ADSS2: variants seen among roughly 807,000 people sequenced by gnomAD.
ADSS2 encodes adenylosuccinate synthetase isozyme 2.
ADSS2 carries 30 observed loss-of-function variants against 60.0 expected under a neutral mutation model. That is an observed-to-expected ratio of 0.50 (90% CI 0.37 to 0.68). ADSS2 has a LOEUF of 0.68. Among genes scored for constraint, ADSS2 ranks in the 30% least tolerant of loss-of-function variants. The probability of loss-of-function intolerance (pLI) is 0.00; values close to 1 mark genes in which losing one functional copy is unlikely to be tolerated. For missense variants in ADSS2, 373 were observed against 554.8 expected (o/e 0.67, Z 3.29); for synonymous variants, 187 against 193.1 (o/e 0.97, Z 0.26).
intron 4 of ADSS2, among the ~76,000 whole-genome samples, chr1:244,428,616 G>T (rs1288746929): frequency 6.6e-6 from 1 of 151,370 alleles, no homozygotes; most frequent in African/African-American, 2.4e-5. Context: ...TTAAACCAAA[G>T]AAAGTAGAAA....
Position 244,441,888 on chromosome 1 carries a change from G to C in ADSS2, c.184-4120C>G, listed in dbSNP as rs190732863. 1.5e-3 allele frequency among the ~76,000 whole-genome samples: 225 copies of C among 152,136 alleles called. 2 individuals are homozygous for C. The highest frequency in any genetic ancestry group is 5.3e-3 in the African/African-American group (218 of 41,514). On this transcript the variant is annotated intron_variant, in intron 1 of 12. Coordinates refer to ENST00000366535, the MANE Select transcript of ADSS2 (RefSeq NM_001126.5). ...GGAGAATGGCGTGAACCCAGGAGGC[G>C]GAGCTTGCAGTGAGCCGAGATCACG... is the stretch of plus-strand genomic sequence containing the variant.
chr1:244,433,886 T>C (rs1055801735), intron 3 of ADSS2, among the ~76,000 whole-genome samples: 1 of 122,522 alleles, frequency 8.2e-6, no homozygotes, highest in Admixed American at 8.4e-5. Flanking sequence ...AAAAAAAAGG[T>C]AAAGAAAATA....
chr1:244,450,553 G>A (rs1400033009), intron 1 of ADSS2, among the ~76,000 whole-genome samples: 1 of 152,194 alleles, frequency 6.6e-6, no homozygotes, highest in Non-Finnish European at 1.5e-5. Flanking sequence ...TATACAGCAT[G>A]GCACCATCAT....
chr1:244,441,326 G>C (rs1665242845), intron 1 of ADSS2, among the ~76,000 whole-genome samples: 1 of 151,978 alleles, frequency 6.6e-6, no homozygotes, highest in Non-Finnish European at 1.5e-5. Context: ...CCAAAGTGCT[G>C]GGATTACAGG....
chr1:244,446,738 T>C (rs1196534817), intron 1 of ADSS2, among the ~76,000 whole-genome samples: 1 of 152,220 alleles, frequency 6.6e-6, no homozygotes, highest in Non-Finnish European at 1.5e-5. Context: ...GGGTCATAGA[T>C]GAGGCCATAA....
At chr1:244,436,734 C>T (rs2148008528) in intron 3 of ADSS2, 91 bp downstream of exon 3, 1 of 1,143,322 alleles carries the variant, frequency 8.7e-7, no homozygotes, top group Non-Finnish European at 1.3e-6. Flanking sequence ...AATTTTAAAG[C>T]ATAAGACAAA....
chr1:244,419,647 T>C (rs1664632412), intron 8 of ADSS2, among the ~76,000 whole-genome samples: 1 of 152,200 alleles, frequency 6.6e-6, no homozygotes, highest in Admixed American at 6.5e-5. Flanking sequence ...TGAGAAATCA[T>C]GTTTAAATGA....
intron 1 of ADSS2, among the ~76,000 whole-genome samples, chr1:244,449,636 T>A (rs538750134): frequency 6.6e-6 from 1 of 152,364 alleles, no homozygotes; most frequent in South Asian, 2.1e-4. Context: ...TCATTACTCA[T>A]CTATTTTTTG....
chr1:244,418,053 C>A (rs1198974403), intron 9 of ADSS2, among the ~76,000 whole-genome samples: 1 of 152,160 alleles, frequency 6.6e-6, no homozygotes, highest in African/African-American at 2.4e-5. Context: ...ACGAATCCAG[C>A]CAGTTCTTCC....
chr1:244,447,799 A>T (rs1220571368), intron 1 of ADSS2, among the ~76,000 whole-genome samples: 2 of 152,206 alleles, frequency 1.3e-5, no homozygotes, highest in African/African-American at 4.8e-5. Flanking sequence ...AGATGTTAAA[A>T]CAATTACAAG....
In ADSS2 at chr1:244,416,008, C is replaced by T. The variant is rs1275820463; in HGVS notation, c.1141G>A (p.Asp381Asn). The change falls in exon 11 of 13, where the codon GAT (aspartate) becomes AAT (asparagine). Residue 381 changes from aspartate (D) to asparagine (N), a missense_variant. Coordinates refer to ENST00000366535, the MANE Select transcript of ADSS2 (RefSeq NM_001126.5). ...EIKVGVAYKL[D>N]GEIIPHIPAN... ...GGGATATGAGGTATGATTTCACCAT[C>T]TAACTTGTAAGCAACTCCAACTTTG... The T allele has an allele frequency of 1.9e-6, 3 of 1,613,392 alleles. No homozygotes were observed. The highest frequency in any genetic ancestry group is 1.3e-5 in the African/African-American group (1 of 74,914).
At chr1:244,440,659 C>G (rs1338657471) in intron 1 of ADSS2, among the ~76,000 whole-genome samples, 1 of 152,178 alleles carries the variant, frequency 6.6e-6, no homozygotes. Context: ...TTCTCATACC[C>G]TTGCTGTAAG....
chr1:244,429,978 C>T (rs7521072), intron 4 of ADSS2, among the ~76,000 whole-genome samples: 56,993 of 119,482 alleles, frequency 0.48, 11,180 homozygotes, highest in Middle Eastern at 0.55. Context: ...TAGTGATATA[C>T]GTTTTAAAGC....
intron 1 of ADSS2, among the ~76,000 whole-genome samples, chr1:244,438,760 A>G (rs892696575): frequency 2.0e-5 from 3 of 151,938 alleles, no homozygotes; most frequent in Admixed American, 6.6e-5. Flanking sequence ...TATTTTTTTC[A>G]TTTTTCATTT....
chr1:244,444,722 A>G (rs555829591), intron 1 of ADSS2, among the ~76,000 whole-genome samples: 2 of 152,168 alleles, frequency 1.3e-5, no homozygotes, highest in African/African-American at 4.8e-5. Context: ...ATCAATACAT[A>G]GCTAATTTTC....
intron 11 of ADSS2, among the ~76,000 whole-genome samples, chr1:244,415,414 T>C (rs1216684575): frequency 6.6e-6 from 1 of 152,242 alleles, no homozygotes; most frequent in Non-Finnish European, 1.5e-5. Flanking sequence ...AACTTAGAGC[T>C]AACCTTAATT....
chr1:244,440,549 G>A (rs1287943202), intron 1 of ADSS2, among the ~76,000 whole-genome samples: 3 of 152,160 alleles, frequency 2.0e-5, no homozygotes, highest in African/African-American at 7.2e-5. Flanking sequence ...AAAGGGAACA[G>A]AGGCATTATT....
chr1:244,418,062 CCA>C (rs1664580351), intron 9 of ADSS2, among the ~76,000 whole-genome samples: 1 of 152,096 alleles, frequency 6.6e-6, no homozygotes, highest in Non-Finnish European at 1.5e-5. Flanking sequence ...GCCAGTTCTT[CCA>C]AGAGCTGTAG....
intron 4 of ADSS2, 186 bp from the exon 5 acceptor site, chr1:244,424,573 G>C (rs1352269210): frequency 1.4e-5 from 7 of 501,154 alleles, no homozygotes; most frequent in Non-Finnish European, 2.5e-5. Flanking sequence ...GAAAATGTCT[G>C]ATCTTTCGTT....
Sources: gnomAD v4.1 joint callset for allele counts (sites outside exome capture counted in the v4.1 genomes callset) on GRCh38, gnomAD v4.1.1 for gene constraint, MANE v1.5 for transcripts, NCBI Gene and HGNC (gene_info 2026-07-23, HGNC 2026-07-21) for gene names.